Variants in ABCC4 observed in about 807,000 individuals in gnomAD.
The protein encoded by ABCC4 is ATP binding cassette subfamily C member 4 (PEL blood group).
In ABCC4, 102 loss-of-function variants were observed where a neutral mutation model predicts 168.5. That is an observed-to-expected ratio of 0.61 (90% confidence interval 0.52 to 0.71). The LOEUF (loss-of-function observed/expected upper bound fraction) is 0.71, where lower values mean the gene tolerates loss of function less well. Among genes scored for constraint, ABCC4 ranks in the 30% least tolerant of loss-of-function variants. The pLI is 0.00. For missense variants in ABCC4, 1,402 were observed against 1,605.8 expected (o/e 0.87, Z 2.17); for synonymous variants, 617 against 590.7 (o/e 1.04, Z -0.65).
intron 26 of ABCC4, among the ~76,000 whole-genome samples, chr13:95,062,001 A>G (rs2033316654): frequency 6.6e-6 from 1 of 152,328 alleles, no homozygotes; most frequent in South Asian, 2.1e-4. Flanking sequence ...AAGAAAAGAA[A>G]ATAGAATCAG....
chr13:95,223,517 T>G lies in ABCC4; in HGVS notation c.531+11093A>C, dbSNP rs145408561. Among the ~76,000 whole-genome samples the G allele has an allele frequency of 4.0e-3, 615 of 152,298 alleles. 18 individuals are homozygous for G. Among genetic ancestry groups the G allele is most frequent in the Non-Finnish European group, 8.5e-4 (58 of 68,010 alleles). ...TAAAGTTTTTTGTTTGTTTGTTTGT[T>G]TTTTGAGAAAGAGTCTCACTCTCAC... On this transcript the variant is annotated intron_variant, in intron 4 of 30. Coordinates refer to ENST00000645237, the MANE Select transcript of ABCC4 (RefSeq NM_005845.5).
intron 19 of ABCC4, among the ~76,000 whole-genome samples, chr13:95,159,134 A>ATAT (rs2036998473): frequency 4.3e-5 from 2 of 46,400 alleles, no homozygotes; most frequent in East Asian, 7.7e-4. Context: ...TATATATATA[A>ATAT]CTATTGAAGT....
Position 95,021,076 on chromosome 13 carries a change from G to C in ABCC4, c.*499C>G, listed in dbSNP as rs947156479. On this transcript the variant is annotated 3_prime_UTR_variant, in exon 31 of 31. Transcript: ENST00000645237. ...ACTTTTTCTTTTTGTTGTTCCTATTGGTTGTAACTGTACTATTTTCTAACA... is the reference window on the plus strand; with the variant it reads ...ACTTTTTCTTTTTGTTGTTCCTATTCGTTGTAACTGTACTATTTTCTAACA... 4 of 152,512 alleles carry C rather than the reference G, an allele frequency of 2.6e-5. No individual in the cohort carries two copies. The highest frequency in any genetic ancestry group is 9.7e-5 in the African/African-American group (4 of 41,192). 9.4% of individuals were successfully genotyped at this position (152,512 alleles called of 1,614,324 possible). A position where few individuals can be genotyped will look rare whatever the true frequency, so the allele number is the denominator to read the frequency against.
intron 20 of ABCC4, among the ~76,000 whole-genome samples, chr13:95,109,855 C>G (rs1285427918): frequency 6.6e-6 from 1 of 152,098 alleles, no homozygotes; most frequent in African/African-American, 2.4e-5. Context: ...ATCTCCAAGC[C>G]CAACATGGGG....
At chr13:95,301,205 G>A in intron 1 of ABCC4, 36 bp downstream of exon 1, 1 of 1,560,602 alleles carries the variant, frequency 6.4e-7, no homozygotes, top group African/African-American at 1.4e-5. Context: ...GGCGCCAGCG[G>A]CTGCAGGGTG....
At chr13:95,153,362 C>A (rs187341419) in intron 19 of ABCC4, among the ~76,000 whole-genome samples, 1 of 151,954 alleles carries the variant, frequency 6.6e-6, no homozygotes, top group Non-Finnish European at 1.5e-5. Flanking sequence ...CCAAGTTAGC[C>A]GAAGATAAAG....
At position 95,176,219 on chromosome 13, in the gene ABCC4, AG is replaced by A. The variant is rs2037681271; in HGVS notation, c.1727+1487del. On this transcript the variant is annotated intron_variant, in intron 13 of 30. Transcript: ENST00000645237. The stretch of plus-strand genomic sequence containing the variant: ...GTAATCTCAGCACTCCAGGAAGCCG[AG>A]GGCAGGGGGGGGGGGGGGGGGGGGG... 3.8e-3 allele frequency among the ~76,000 whole-genome samples: 14 copies of A among 3,646 alleles called. 4 individuals carry two copies. The highest frequency in any genetic ancestry group is 4.9e-3 in the African/African-American group (14 of 2,842). The allele number at this position is 3,646 out of a possible 152,430, so 2.4% of individuals were successfully genotyped here.
rs544691798 is a variant in ABCC4 at position 95,187,854 on chromosome 13, G to A, written c.1353+599C>T. Among the ~76,000 whole-genome samples, 81 of 152,146 alleles carry A rather than the reference G, an allele frequency of 5.3e-4. 1 individual carries two copies. In the Middle Eastern group the frequency reaches 0.014, roughly 26 times the overall value. ...ATCTTCTACAATGCACAGACATGAC[G>A]TGTCTGTGCCCCCCACTATCAGAGC... On this transcript the variant is annotated intron_variant, in intron 10 of 30. Coordinates refer to ENST00000645237, the MANE Select transcript of ABCC4 (RefSeq NM_005845.5).
intron 14 of ABCC4, among the ~76,000 whole-genome samples, chr13:95,169,690 C>T (rs762189734): frequency 5.6e-4 from 85 of 152,236 alleles, no homozygotes; most frequent in Non-Finnish European, 1.1e-3. Flanking sequence ...GTCAGCCCGA[C>T]GATGGCAAGG....
intron 29 of ABCC4, among the ~76,000 whole-genome samples, chr13:95,039,760 A>G (rs1365967302): frequency 6.6e-6 from 1 of 152,220 alleles, no homozygotes; most frequent in Non-Finnish European, 1.5e-5. Flanking sequence ...AAACTGCAAA[A>G]CAATTTAATC....
intron 19 of ABCC4, among the ~76,000 whole-genome samples, chr13:95,127,190 C>T (rs2035810879): frequency 6.6e-6 from 1 of 152,128 alleles, no homozygotes; most frequent in South Asian, 2.1e-4. Flanking sequence ...GCTTTTCCCT[C>T]ATCCTCATTG....
chr13:95,125,671 T>C lies in ABCC4; in HGVS notation c.2456-9670A>G, dbSNP rs929900061. Among the ~76,000 whole-genome samples, 12 of 152,200 alleles carry C rather than the reference T, an allele frequency of 7.9e-5. No homozygotes were observed. The South Asian group carries it at 2.3e-3, about 29-fold the overall frequency. ...GTGACCCAGGGCAAAGCCGAATCAC[T>C]CATTGCCAGGAAGTATTGTAGGGGA... is the stretch of plus-strand genomic sequence containing the variant. On this transcript the variant is annotated intron_variant, in intron 19 of 30. Coordinates refer to ENST00000645237, the MANE Select transcript of ABCC4 (RefSeq NM_005845.5).
intron 4 of ABCC4, among the ~76,000 whole-genome samples, chr13:95,228,228 C>T (rs1010510270): frequency 6.6e-6 from 1 of 152,104 alleles, no homozygotes; most frequent in African/African-American, 2.4e-5. Context: ...GGGATGCAGC[C>T]AGAGAGCTAC....
chr13:95,190,088 T>C (rs1231649181), intron 9 of ABCC4, among the ~76,000 whole-genome samples: 5 of 152,030 alleles, frequency 3.3e-5, no homozygotes, highest in Non-Finnish European at 7.4e-5. Flanking sequence ...TTCATGCCTG[T>C]AATCCCAACA....
At chr13:95,137,282 T>C (rs2036172720) in intron 19 of ABCC4, among the ~76,000 whole-genome samples, 1 of 152,202 alleles carries the variant, frequency 6.6e-6, no homozygotes, top group Non-Finnish European at 1.5e-5. Flanking sequence ...ATTGAGACTT[T>C]CTTACTCAGA....
chr13:95,301,193 G>A (rs757767140), intron 1 of ABCC4, 48 bp downstream of exon 1: 9 of 1,531,830 alleles, frequency 5.9e-6, no homozygotes, highest in African/African-American at 4.3e-5. Flanking sequence ...GAGTGCGTCC[G>A]CGGCGCCAGC....
chr13:95,064,260 G>GTATATA (rs753635232), intron 25 of ABCC4, among the ~76,000 whole-genome samples: 255 of 21,346 alleles, frequency 0.012, 1 homozygote, highest in African/African-American at 0.036. Context: ...GTGTGTGTGT[G>GTATATA]TATATATATA....
At chr13:95,251,284 G>A (rs146813277) in intron 1 of ABCC4, among the ~76,000 whole-genome samples, 1 of 152,038 alleles carries the variant, frequency 6.6e-6, no homozygotes, top group Non-Finnish European at 1.5e-5. Context: ...TCCCCTTTCA[G>A]CTCTCTTTTA....
chr13:95,285,640 C>T (rs927775770), intron 1 of ABCC4, among the ~76,000 whole-genome samples: 7 of 152,034 alleles, frequency 4.6e-5, no homozygotes, highest in African/African-American at 7.2e-5. Flanking sequence ...TTTTAGCAGC[C>T]GAGCTGAGAG....
Sources: gnomAD v4.1 joint callset for allele counts (sites outside exome capture counted in the v4.1 genomes callset) on GRCh38, gnomAD v4.1.1 for gene constraint, MANE v1.5 for transcripts, NCBI Gene and HGNC (gene_info 2026-07-23, HGNC 2026-07-21) for gene names.